Variants in SFRP1 observed in about 807,000 individuals in gnomAD.
SFRP1 encodes secreted frizzled related protein 1.
Under a neutral mutation model 25.9 loss-of-function variants are expected in SFRP1, and 9 were observed. The observed-to-expected ratio is 0.35, with a 90% confidence interval of 0.21 to 0.61. The LOEUF (loss-of-function observed/expected upper bound fraction) is 0.61. SFRP1 is among the 20% of genes least tolerant of loss of function. The probability of loss-of-function intolerance (pLI) is 0.78; values close to 1 mark genes in which losing one functional copy is unlikely to be tolerated. For missense variants in SFRP1, 346 were observed against 418.2 expected (o/e 0.83, Z 1.51); for synonymous variants, 178 against 174.0 (o/e 1.02, Z -0.18).
chr8:41,301,825 T>C (rs1803920455), intron 2 of SFRP1, among the ~76,000 whole-genome samples: 1 of 152,268 alleles, frequency 6.6e-6, no homozygotes, highest in South Asian at 2.1e-4. Flanking sequence ...GTTATCGACA[T>C]GAGATCCTCT....
intron 2 of SFRP1, among the ~76,000 whole-genome samples, chr8:41,279,424 T>C (rs760545937): frequency 8.5e-5 from 13 of 152,082 alleles, no homozygotes; most frequent in Admixed American, 1.3e-4. Flanking sequence ...AGAAGGCAGA[T>C]ACTCCAATAA....
At chr8:41,265,641 T>A in intron 2 of SFRP1, 152 bp from the exon 3 acceptor site, 1 of 598,236 alleles carries the variant, frequency 1.7e-6, no homozygotes, top group South Asian at 2.7e-5. Flanking sequence ...GTTTTTAATT[T>A]TAGATTCAGG....
At chr8:41,275,273 C>A in intron 2 of SFRP1, 2 of 411,238 alleles carry the variant, frequency 4.9e-6, no homozygotes, top group Admixed American at 3.1e-5. Context: ...TGAATGGGGG[C>A]CTAGCCATCT....
chr8:41,284,241 T>G (rs1466021742), intron 2 of SFRP1, among the ~76,000 whole-genome samples: 1 of 151,986 alleles, frequency 6.6e-6, no homozygotes, highest in Non-Finnish European at 1.5e-5. Flanking sequence ...TGCAGCACAG[T>G]GGCTATTATG....
intron 1 of SFRP1, among the ~76,000 whole-genome samples, chr8:41,303,994 C>A (rs1803961310): frequency 6.6e-6 from 1 of 152,152 alleles, no homozygotes; most frequent in East Asian, 1.9e-4. Context: ...CTGACCAGGT[C>A]TCCAGGAGCC....
At chr8:41,275,041 A>C in intron 2 of SFRP1, 1 of 278,326 alleles carries the variant, frequency 3.6e-6, no homozygotes, top group Non-Finnish European at 7.1e-6. Context: ...GGAGGGAGGC[A>C]GTCCACTGAT....
chr8:41,303,212 AGAG>A (rs1289036182), intron 2 of SFRP1, among the ~76,000 whole-genome samples: 1 of 151,662 alleles, frequency 6.6e-6, no homozygotes, highest in African/African-American at 2.4e-5. Context: ...CTGCATGCCT[AGAG>A]AAGATGCCCA....
At chr8:41,269,309 G>A (rs1382296128) in intron 2 of SFRP1, among the ~76,000 whole-genome samples, 1 of 152,062 alleles carries the variant, frequency 6.6e-6, no homozygotes, top group Admixed American at 6.6e-5. Flanking sequence ...TCCTCCAAGG[G>A]TAGGACATGA....
At chr8:41,287,565 G>A (rs1173632581) in intron 2 of SFRP1, among the ~76,000 whole-genome samples, 1 of 152,144 alleles carries the variant, frequency 6.6e-6, no homozygotes, top group Non-Finnish European at 1.5e-5. Context: ...TCTCAAGCCT[G>A]GATTTTTCAA....
chr8:41,265,620 T>G, intron 2 of SFRP1, 131 bp from the exon 3 acceptor site: 2 of 636,120 alleles, frequency 3.1e-6, no homozygotes, highest in East Asian at 6.0e-5. Flanking sequence ...TTTCTTCTTG[T>G]AAATATATAT....
intron 2 of SFRP1, among the ~76,000 whole-genome samples, chr8:41,293,187 CAT>C (rs980838437): frequency 2.0e-5 from 3 of 152,342 alleles, no homozygotes; most frequent in East Asian, 1.9e-4. Flanking sequence ...GCCACAACCA[CAT>C]GAGGGACCCC....
intron 1 of SFRP1, chr8:41,306,868 T>A: frequency 3.1e-6 from 5 of 1,596,470 alleles, no homozygotes; most frequent in Non-Finnish European, 3.4e-6. Context: ...CACAGCCTTT[T>A]GGGGGCTGGG....
chr8:41,275,738 GT>G, intron 2 of SFRP1, among the ~76,000 whole-genome samples: 1 of 150,888 alleles, frequency 6.6e-6, no homozygotes, highest in Non-Finnish European at 1.5e-5. Flanking sequence ...TCCTGACCTC[GT>G]GATCCGAGAC....
chr8:41,278,616 C>G (rs1470933587), intron 2 of SFRP1, among the ~76,000 whole-genome samples: 1 of 152,186 alleles, frequency 6.6e-6, no homozygotes, highest in Non-Finnish European at 1.5e-5. Flanking sequence ...CTGCCCAAGC[C>G]GCTCCACCCC....
intron 2 of SFRP1, among the ~76,000 whole-genome samples, chr8:41,284,819 G>A (rs997924521): frequency 2.0e-4 from 30 of 152,346 alleles, no homozygotes; most frequent in African/African-American, 6.5e-4. Flanking sequence ...GGCTAACATG[G>A]CCTGCCATCA....
intron 2 of SFRP1, among the ~76,000 whole-genome samples, chr8:41,274,026 C>T (rs771270247): frequency 2.2e-4 from 33 of 152,218 alleles, no homozygotes; most frequent in Admixed American, 6.5e-4. Flanking sequence ...CCATGTTTTT[C>T]GGCTCTGGGA....
chr8:41,307,032 T>G lies in SFRP1; in HGVS notation c.544+1584A>C, dbSNP rs547519198. On this transcript the variant is annotated intron_variant, in intron 1 of 2. Coordinates refer to ENST00000220772, the MANE Select transcript of SFRP1 (RefSeq NM_003012.5). ...AGAGACCATCGGAAGCCATTGGGAA[T>G]GGACTCCAGGTCAGGGCTGGGCACA... is the stretch of plus-strand genomic sequence containing the variant. 4.2e-6 allele frequency: 6 copies of G among 1,438,698 alleles called. No individual in the cohort carries two copies. In the South Asian group the frequency reaches 8.7e-5, roughly 21 times the overall value. The allele number at this position is 1,438,698 out of a possible 1,614,324, so 89.1% of individuals were successfully genotyped here.
rs573520343 is a variant in SFRP1 at position 41,293,806 on chromosome 8, T to C, written c.622+9655A>G. Among the ~76,000 whole-genome samples the C allele has an allele frequency of 2.0e-5, 3 of 152,262 alleles. No individual in the cohort carries two copies. The East Asian group carries it at 5.8e-4, about 29-fold the overall frequency. ...TGTTTTGAGACAAGGTCTTGCCCTG[T>C]CTCAGACCCAGGCTGGAGTGCAGTG... is the stretch of plus-strand genomic sequence containing the variant. On this transcript the variant is annotated intron_variant, in intron 2 of 2. Coordinates refer to ENST00000220772, the MANE Select transcript of SFRP1 (RefSeq NM_003012.5).
chr8:41,275,302 G>C, intron 2 of SFRP1: 1 of 347,164 alleles, frequency 2.9e-6, no homozygotes, highest in Non-Finnish European at 5.5e-6. Flanking sequence ...GGGGCAAGCA[G>C]TTGGATCCAT....
Sources: gnomAD v4.1 joint callset for allele counts (sites outside exome capture counted in the v4.1 genomes callset) on GRCh38, gnomAD v4.1.1 for gene constraint, MANE v1.5 for transcripts, NCBI Gene and HGNC (gene_info 2026-07-23, HGNC 2026-07-21) for gene names.